The following ACOT13 variants were observed in gnomAD, a reference collection of about 807,000 sequenced individuals.
ACOT13 encodes the protein acyl-coenzyme A thioesterase 13.
ACOT13 carries 10 observed loss-of-function variants against 11.8 expected under a neutral mutation model. The observed-to-expected ratio is 0.85, with a 90% confidence interval of 0.53 to 1.44. The LOEUF (loss-of-function observed/expected upper bound fraction) is 1.44, where lower values mean the gene tolerates loss of function less well. Ranked by LOEUF, ACOT13 falls within the 40% of genes most tolerant of loss-of-function variation. The pLI is 0.00. For synonymous variants in ACOT13, 53 were observed against 61.0 expected, an observed-to-expected ratio of 0.87 and a Z score of 0.61; for missense variants, 172 against 174.1, an observed-to-expected ratio of 0.99 and a Z score of 0.07.
Position 24,701,779 on chromosome 6 carries a change from T to C in ACOT13, c.*164T>C. The C allele has an allele frequency of 3.4e-6, 2 of 592,718 alleles. No individual in the cohort carries two copies. The highest frequency in any genetic ancestry group is 3.8e-5 in the Admixed American group (1 of 26,560). The allele number at this position is 592,718 out of a possible 1,614,324, so 36.7% of individuals were successfully genotyped here. On this transcript the variant is annotated 3_prime_UTR_variant, in exon 3 of 3. Coordinates refer to ENST00000230048, the MANE Select transcript of ACOT13 (RefSeq NM_018473.4). ...CAAGTAGGGTAAAGGTGGGGGTGTC[T>C]TTTTTCACTTTAAGCATCTTGTTTT...
At chr6:24,668,962 T>G (rs1311533927) in intron 1 of ACOT13, among the ~76,000 whole-genome samples, 1 of 152,138 alleles carries the variant, frequency 6.6e-6, no homozygotes, top group African/African-American at 2.4e-5. Flanking sequence ...GAAGTTAGGG[T>G]TTTACTTTCA....
intron 1 of ACOT13, among the ~76,000 whole-genome samples, chr6:24,695,103 GT>G (rs1778773804): frequency 6.6e-6 from 1 of 152,132 alleles, no homozygotes; most frequent in Admixed American, 6.6e-5. Flanking sequence ...GAGGTCAAGA[GT>G]TCAAGACCAA....
At chr6:24,687,713 T>C (rs762876912) in intron 1 of ACOT13, 1 of 1,497,940 alleles carries the variant, frequency 6.7e-7, no homozygotes, top group Non-Finnish European at 8.9e-7. Flanking sequence ...GAATTTTTTT[T>C]TTTTTTTTTT....
At chr6:24,688,944 G>A (rs750032819) in intron 1 of ACOT13, among the ~76,000 whole-genome samples, 3 of 152,120 alleles carry the variant, frequency 2.0e-5, no homozygotes, top group Non-Finnish European at 4.4e-5. Flanking sequence ...ACATAAATAG[G>A]CTGTTCACAG....
chr6:24,673,226 G>C (rs1474313782), intron 1 of ACOT13, among the ~76,000 whole-genome samples: 1 of 151,894 alleles, frequency 6.6e-6, no homozygotes, highest in African/African-American at 2.4e-5. Context: ...GCAATGCACA[G>C]AACATGATGT....
Position 24,701,770 on chromosome 6 carries a change from G to T in ACOT13, c.*155G>T. On this transcript the variant is annotated 3_prime_UTR_variant, in exon 3 of 3. Coordinates refer to ENST00000230048, the MANE Select transcript of ACOT13 (RefSeq NM_018473.4). ...CCTGGATATCAAGTAGGGTAAAGGT[G>T]GGGGTGTCTTTTTTCACTTTAAGCA... 1 of 688,680 alleles carries T rather than the reference G, an allele frequency of 1.5e-6. No homozygotes were observed. 42.7% of individuals were successfully genotyped at this position (688,680 alleles called of 1,614,324 possible).
In ACOT13 at chr6:24,701,457, A is replaced by G. The variant is rs568078395; in HGVS notation, c.267-2A>G. ...TGTTAACTATATTCATTTTCTTTCAAGGTACATGTCACCTGCAAAATTAGG... is the reference window on the plus strand; with the variant it reads ...TGTTAACTATATTCATTTTCTTTCAGGGTACATGTCACCTGCAAAATTAGG... On this transcript the variant is annotated splice_acceptor_variant, in intron 2 of 2. Transcript: ENST00000230048. LOFTEE classifies it high-confidence loss of function. 1 of 1,599,594 alleles carries G rather than the reference A, an allele frequency of 6.3e-7. No individual in the cohort carries two copies. The highest frequency in any genetic ancestry group is 1.1e-5 in the South Asian group (1 of 88,394).
chr6:24,697,896 C>G lies in ACOT13; in HGVS notation c.95C>G (p.Ser32Cys). The change falls in exon 2 of 3, where the codon TCT (serine) becomes TGT (cysteine). Residue 32 changes from serine to cysteine, a missense_variant. Coordinates refer to ENST00000230048, the MANE Select transcript of ACOT13 (RefSeq NM_018473.4). ...TTTTACACTTAGATTACTCTTGTCT[C>G]TGCTGCTCCTGGGAAAGTGATTTGT... ...ERVLGKITLV[S>C]AAPGKVICEM... 1 of 1,608,444 alleles carries G rather than the reference C, an allele frequency of 6.2e-7. No homozygotes were observed. Among genetic ancestry groups the G allele is most frequent in the Admixed American group, 1.7e-5 (1 of 58,800 alleles).
chr6:24,703,322 C>T lies in ACOT13; in HGVS notation c.*1707C>T, dbSNP rs1045454930. 2.0e-5 allele frequency: 3 copies of T among 152,224 alleles called. No homozygotes were observed. The highest frequency in any genetic ancestry group is 7.2e-5 in the African/African-American group (3 of 41,432). 9.4% of individuals were successfully genotyped at this position (152,224 alleles called of 1,614,324 possible). On this transcript the variant is annotated 3_prime_UTR_variant, in exon 3 of 3. Transcript: ENST00000230048. ...ATTAGATCGCCTGCTGATCTGTCCA[C>T]TGTGAAAGGGCAGAAGACTCCACAG...
intron 1 of ACOT13, among the ~76,000 whole-genome samples, chr6:24,688,281 G>A (rs1299197401): frequency 6.6e-6 from 1 of 151,852 alleles, no homozygotes; most frequent in East Asian, 1.9e-4. Flanking sequence ...GCTCATGCCT[G>A]TAATCCCAAC....
At chr6:24,670,306 A>G (rs1562154192) in intron 1 of ACOT13, among the ~76,000 whole-genome samples, 1 of 152,380 alleles carries the variant, frequency 6.6e-6, no homozygotes, top group East Asian at 1.9e-4. Context: ...AGCCAAGCTC[A>G]GCCATGGATT....
intron 1 of ACOT13, among the ~76,000 whole-genome samples, chr6:24,688,539 CAAAA>C (rs34225480): frequency 1.2e-5 from 1 of 82,326 alleles, no homozygotes; most frequent in Non-Finnish European, 2.5e-5. Flanking sequence ...GACCCTGTCT[CAAAA>C]AAAAAAAAAA....
chr6:24,671,025 T>G (rs1015969259), intron 1 of ACOT13, among the ~76,000 whole-genome samples: 7 of 152,156 alleles, frequency 4.6e-5, no homozygotes, highest in Non-Finnish European at 8.8e-5. Context: ...GAGTGTAAAC[T>G]AGGTCAACCA....
intron 1 of ACOT13, chr6:24,687,705 ATTTT>A (rs3033242): frequency 1.5e-3 from 1,909 of 1,276,942 alleles, no homozygotes; most frequent in Admixed American, 2.3e-3. Context: ...TAAGAATAGA[ATTTT>A]TTTTTTTTTT....
chr6:24,697,849 A>C (rs1288158843), intron 1 of ACOT13, 34 bp from the exon 2 acceptor site: 2 of 1,541,104 alleles, frequency 1.3e-6, no homozygotes, highest in Non-Finnish European at 1.8e-6. Flanking sequence ...AATTCTACAG[A>C]ATTAATGTTC....
intron 1 of ACOT13, among the ~76,000 whole-genome samples, chr6:24,686,852 C>T (rs1318454758): frequency 6.6e-6 from 1 of 152,084 alleles, no homozygotes; most frequent in Non-Finnish European, 1.5e-5. Context: ...CAGGGGCGTG[C>T]CACCATCTCC....
intron 1 of ACOT13, chr6:24,687,399 C>T (rs1017643417): frequency 2.5e-6 from 3 of 1,199,368 alleles, no homozygotes; most frequent in East Asian, 3.5e-5. Flanking sequence ...AACTTTTCTC[C>T]CACAGTAACA....
Position 24,701,706 on chromosome 6 carries a change from A to C in ACOT13, c.*91A>C, listed in dbSNP as rs1778895880. On this transcript the variant is annotated 3_prime_UTR_variant, in exon 3 of 3. Transcript: ENST00000230048. ...TTGTAATTTTTGAAATAAACTAGCA[A>C]AACCAGAAGCAGCTAGAAATATTCT... is the stretch of plus-strand genomic sequence containing the variant. 4.5e-6 allele frequency: 6 copies of C among 1,323,840 alleles called. No individual in the cohort carries two copies. The highest frequency in any genetic ancestry group is 6.1e-6 in the Non-Finnish European group (6 of 982,280). The allele number at this position is 1,323,840 out of a possible 1,614,324, so 82.0% of individuals were successfully genotyped here.
intron 1 of ACOT13, among the ~76,000 whole-genome samples, chr6:24,674,378 A>G (rs1778410295): frequency 6.7e-6 from 1 of 149,124 alleles, no homozygotes; most frequent in Admixed American, 6.7e-5. Flanking sequence ...GAATTAGACA[A>G]AACTTGTTCA....
Sources: gnomAD v4.1 joint callset for allele counts (sites outside exome capture counted in the v4.1 genomes callset) on GRCh38, gnomAD v4.1.1 for gene constraint, MANE v1.5 for transcripts, NCBI Gene and HGNC (gene_info 2026-07-23, HGNC 2026-07-21) for gene names.